PARP4: variants seen among roughly 807,000 people sequenced by gnomAD.
The protein encoded by PARP4 is protein mono-ADP-ribosyltransferase PARP4.
In PARP4, 120 loss-of-function variants were observed where a neutral mutation model predicts 187.7. The observed-to-expected ratio is 0.64, with a 90% CI of 0.55 to 0.74. The LOEUF (loss-of-function observed/expected upper bound fraction) is 0.74, where lower values mean the gene tolerates loss of function less well. Ranked by LOEUF, PARP4 falls within the 30% of genes least tolerant of loss-of-function variation. The pLI, the probability that PARP4 is intolerant of heterozygous loss-of-function variation, is 0.00. For missense variants in PARP4, 1,836 were observed against 2,070.5 expected, an observed-to-expected ratio of 0.89 and a Z score of 2.20; for synonymous variants, 654 against 740.9, an observed-to-expected ratio of 0.88 and a Z score of 1.90.
chr13:24,478,898 A>C (rs968406955), intron 12 of PARP4, among the ~76,000 whole-genome samples: 3 of 152,214 alleles, frequency 2.0e-5, no homozygotes, highest in African/African-American at 7.2e-5. Flanking sequence ...AGGGTGGTAA[A>C]GAGAAGGAAA....
chr13:24,482,133 A>T (rs1441229159), intron 12 of PARP4, among the ~76,000 whole-genome samples: 2 of 152,246 alleles, frequency 1.3e-5, no homozygotes, highest in Non-Finnish European at 2.9e-5. Flanking sequence ...AAGCAGCAGG[A>T]GAACTAGAAT....
At chr13:24,439,938 T>C (rs1362806942) in intron 30 of PARP4, among the ~76,000 whole-genome samples, 1 of 152,200 alleles carries the variant, frequency 6.6e-6, no homozygotes, top group East Asian at 1.9e-4. Flanking sequence ...GCCCACGATG[T>C]TGCCAACATC....
At position 24,492,523 on chromosome 13, in the gene PARP4, C is replaced by G. The variant is rs747673733; in HGVS notation, c.951G>C (p.Leu317Phe). The G allele has an allele frequency of 1.2e-6, 2 of 1,613,970 alleles. No homozygotes were observed. Among genetic ancestry groups the G allele is most frequent in the South Asian group, 1.1e-5 (1 of 91,068 alleles). Residue 317 changes from leucine (L) to phenylalanine (F), a missense_variant, in exon 9 of 34, where the codon TTG (leucine) becomes TTC (phenylalanine). Leu to Phe is a conservative substitution (Grantham distance 22, BLOSUM62 0). This residue lies in a region of PARP4 where 1,147 missense variants were observed against 1,214.2 expected (regional missense o/e 0.94). Transcript: ENST00000381989. ...TGTAAAACTCTGTCATCATCTTTTGCAATTGCTCTGCTGTTTCTCCATTTT... is the reference window on the plus strand; with the variant it reads ...TGTAAAACTCTGTCATCATCTTTTGGAATTGCTCTGCTGTTTCTCCATTTT... Reference protein sequence around the residue: ...ALKNGETAEQLQKMMTEFYRL... With the variant: ...ALKNGETAEQFQKMMTEFYRL...
chr13:24,477,972 T>C, intron 13 of PARP4, 115 bp from the exon 14 acceptor site: 2 of 1,062,264 alleles, frequency 1.9e-6, no homozygotes, highest in Middle Eastern at 2.3e-4. Flanking sequence ...AATTAATTCA[T>C]GCAGTAAATA....
chr13:24,434,565 C>G lies in PARP4; in HGVS notation c.4576G>C (p.Asp1526His). The G allele has an allele frequency of 6.2e-7, 1 of 1,613,360 alleles. No homozygotes were observed. Among genetic ancestry groups the G allele is most frequent in the African/African-American group, 1.3e-5 (1 of 75,030 alleles). ...FAFQSSDTESDELSEVLQDSC... is the reference protein window; with the variant it reads ...FAFQSSDTESHELSEVLQDSC... ...TCTTGAAGTACTTCTGATAGCTCAT[C>G]ACTTTCTGTGTCAGAACTTTGAAAA... is the stretch of plus-strand genomic sequence containing the variant. Residue 1526 changes from aspartate to histidine, a missense_variant, in exon 31 of 34, where the codon GAT (aspartate) becomes CAT (histidine). Coordinates refer to ENST00000381989, the MANE Select transcript of PARP4 (RefSeq NM_006437.4).
intron 7 of PARP4, 66 bp downstream of exon 7, chr13:24,494,507 T>C: frequency 7.0e-7 from 1 of 1,421,266 alleles, no homozygotes; most frequent in South Asian, 1.3e-5. Flanking sequence ...CTTTTATTTG[T>C]AATAGAGAAA....
chr13:24,468,955 GT>G, intron 17 of PARP4, 68 bp downstream of exon 17: 2 of 1,097,504 alleles, frequency 1.8e-6, no homozygotes, highest in Non-Finnish European at 2.8e-6. Context: ...CATGAAATTC[GT>G]ATTTCATATC....
rs1593641683 is a variant in PARP4 at position 24,488,478 on chromosome 13, G to A, written c.1215-2173C>T. Among the ~76,000 whole-genome samples the A allele has an allele frequency of 2.0e-5, 3 of 151,840 alleles. No homozygotes were observed. The East Asian group carries it at 5.8e-4, about 30-fold the overall frequency. ...AAGCGATTCTTGTGCCTCAGCCCCTGGAGTAACTGGAACCACAAACGTGTG... is the reference window on the plus strand; with the variant it reads ...AAGCGATTCTTGTGCCTCAGCCCCTAGAGTAACTGGAACCACAAACGTGTG... On this transcript the variant is annotated intron_variant, in intron 10 of 33. Coordinates refer to ENST00000381989, the MANE Select transcript of PARP4 (RefSeq NM_006437.4).
intron 32 of PARP4, 114 bp from the exon 33 acceptor site, chr13:24,426,712 A>T (rs1870068263): frequency 4.3e-6 from 4 of 920,608 alleles, no homozygotes; most frequent in Non-Finnish European, 1.6e-6. Context: ...ACACAATGAA[A>T]CTCCATCTCT....
chr13:24,454,673 CACTT>C (rs1871724626), intron 22 of PARP4, among the ~76,000 whole-genome samples: 1 of 152,218 alleles, frequency 6.6e-6, no homozygotes, highest in South Asian at 2.1e-4. Context: ...ATTTATATCT[CACTT>C]ACTGTGAACA....
intron 20 of PARP4, among the ~76,000 whole-genome samples, chr13:24,457,685 C>T (rs1424024044): frequency 6.9e-6 from 1 of 145,778 alleles, no homozygotes; most frequent in Non-Finnish European, 1.5e-5. Flanking sequence ...GCATGAGAAT[C>T]GTTTGAACCC....
chr13:24,501,492 T>C, intron 3 of PARP4, 141 bp downstream of exon 3: 1 of 625,850 alleles, frequency 1.6e-6, no homozygotes, highest in African/African-American at 1.8e-5. Context: ...CCTTTGTTAT[T>C]TTTCTGTCCA....
chr13:24,431,085 C>A (rs1363826388), intron 32 of PARP4, among the ~76,000 whole-genome samples: 1 of 152,030 alleles, frequency 6.6e-6, no homozygotes, highest in African/African-American at 2.4e-5. Flanking sequence ...GACTGTGATA[C>A]GGACAAAAAA....
Position 24,437,039 on chromosome 13 carries a change from A to C in PARP4, c.3667-1565T>G, listed in dbSNP as rs576079244. On this transcript the variant is annotated intron_variant, in intron 30 of 33. Coordinates refer to ENST00000381989, the MANE Select transcript of PARP4 (RefSeq NM_006437.4). ...ATATTAAAGTCTCTTATAAAATTATAATAATTATAGTAGACGAATCAATGG... is the reference window on the plus strand; with the variant it reads ...ATATTAAAGTCTCTTATAAAATTATCATAATTATAGTAGACGAATCAATGG... 7.2e-5 allele frequency among the ~76,000 whole-genome samples: 11 copies of C among 152,310 alleles called. No homozygotes were observed. In the East Asian group the frequency reaches 2.1e-3, roughly 29 times the overall value.
chr13:24,469,167 T>C (rs1173979948), intron 16 of PARP4, 57 bp from the exon 17 acceptor site: 54 of 1,189,762 alleles, frequency 4.5e-5, no homozygotes, highest in Non-Finnish European at 6.5e-5. Context: ...CAGGCTTTAA[T>C]GAAGAAAACA....
In PARP4 at chr13:24,470,018, A is replaced by G; in HGVS notation, c.1922T>C (p.Val641Ala). 6.2e-7 allele frequency: 1 copy of G among 1,612,994 alleles called. No individual in the cohort carries two copies. Among genetic ancestry groups the G allele is most frequent in the Non-Finnish European group, 8.5e-7 (1 of 1,179,454 alleles). The change falls in exon 16 of 34, where the codon GTT becomes GCT. Residue 641 changes from valine to alanine, a missense_variant. Coordinates refer to ENST00000381989, the MANE Select transcript of PARP4 (RefSeq NM_006437.4). ...RIIDTVAQVIVFQTYTNKSHV... is the reference protein window; with the variant it reads ...RIIDTVAQVIAFQTYTNKSHV... ...ACTTTTATTTGTGTATGTCTGAAAA[A>G]CAATGACCTGAAGAAGAAAAAAAAT...
Position 24,434,518 on chromosome 13 carries a change from T to C in PARP4, c.4623A>G (p.Lys1541=). The change falls in exon 31 of 34, where the codon AAA becomes AAG. Residue 1541 remains lysine, a synonymous_variant. Coordinates refer to ENST00000381989, the MANE Select transcript of PARP4 (RefSeq NM_006437.4). ...VLQDSCFLQI[K]CDTKDDSILC... ...GGATACTGTCATCTTTTGTATCACA[T>C]TTTATTTGTAAAAAGCAGCTGTCTT... The C allele has an allele frequency of 4.3e-6, 7 of 1,613,998 alleles. No individual in the cohort carries two copies. Among genetic ancestry groups the C allele is most frequent in the Non-Finnish European group, 5.9e-6 (7 of 1,179,836 alleles).
In PARP4 at chr13:24,490,138, T is replaced by G. The variant is rs149402753; in HGVS notation, c.1214+530A>C. ...ACTCAGCCACGGTGACCCTCAGGGG[T>G]GCTGACACCCAGCAAGGGCTCATCT... On this transcript the variant is annotated intron_variant, in intron 10 of 33. Transcript: ENST00000381989. 3.3e-4 allele frequency among the ~76,000 whole-genome samples: 50 copies of G among 152,244 alleles called. 1 individual carries two copies. The highest frequency in any genetic ancestry group is 1.1e-3 in the African/African-American group (47 of 41,558).
chr13:24,462,317 T>G (rs1872248923), intron 17 of PARP4, among the ~76,000 whole-genome samples: 1 of 152,188 alleles, frequency 6.6e-6, no homozygotes, highest in Admixed American at 6.5e-5. Context: ...GCACAGGTAG[T>G]GGCAGTCCAC....
Sources: gnomAD v4.1 joint callset for allele counts (sites outside exome capture counted in the v4.1 genomes callset) on GRCh38, gnomAD v4.1.1 for gene constraint, gnomAD v4.1.1 regional missense constraint, MANE v1.5 for transcripts, NCBI Gene and HGNC (gene_info 2026-07-23, HGNC 2026-07-21) for gene names.